Variants in GSE1 observed in about 807,000 individuals in gnomAD.
The protein encoded by GSE1 is Gse1 coiled-coil protein.
GSE1 carries 32 observed loss-of-function variants against 112.6 expected under a neutral mutation model. The ratio of observed to expected loss-of-function variants is 0.28; its 90% CI spans 0.21 to 0.38. The LOEUF is 0.38. Ranked by LOEUF, GSE1 falls within the 10% of genes least tolerant of loss-of-function variation. The probability of loss-of-function intolerance (pLI) is 1.00; values close to 1 mark genes in which losing one functional copy is unlikely to be tolerated. For missense variants in GSE1, 2,348 were observed against 1,699.2 expected, an observed-to-expected ratio of 1.38 and a Z score of -6.71; for synonymous variants, 1,115 against 735.6, an observed-to-expected ratio of 1.52 and a Z score of -8.35.
chr16:85,637,639 C>T (rs2050113457), intron 2 of GSE1, among the ~76,000 whole-genome samples: 1 of 152,256 alleles, frequency 6.6e-6, no homozygotes, highest in South Asian at 2.1e-4. Context: ...AGAACTGAGC[C>T]TCCGGCTTGC....
chr16:85,509,092 C>G (rs760466852), intron 2 of GSE1, among the ~76,000 whole-genome samples: 18 of 152,172 alleles, frequency 1.2e-4, no homozygotes, highest in Non-Finnish European at 1.9e-4. Flanking sequence ...AGAAGAAACG[C>G]TCACCTGGTG....
At chr16:85,290,551 A>G (rs1168340468) in intron 1 of GSE1, among the ~76,000 whole-genome samples, 1 of 152,144 alleles carries the variant, frequency 6.6e-6, no homozygotes, top group Admixed American at 6.5e-5. Context: ...TGCAGATTAC[A>G]CACTGCCCAA....
chr16:85,643,367 G>A (rs74034004), intron 2 of GSE1, among the ~76,000 whole-genome samples: 126 of 152,320 alleles, frequency 8.3e-4, no homozygotes, highest in African/African-American at 2.8e-3. Flanking sequence ...TGGGGGCATC[G>A]ATCGAGGCTG....
chr16:85,219,628 A>ATG (rs1299293225), intron 1 of GSE1, among the ~76,000 whole-genome samples: 1 of 152,066 alleles, frequency 6.6e-6, no homozygotes, highest in Non-Finnish European at 1.5e-5. Context: ...CCATCTCCGA[A>ATG]TGTCGCCTGT....
chr16:85,217,565 A>C (rs1414992741), intron 1 of GSE1, among the ~76,000 whole-genome samples: 1 of 152,198 alleles, frequency 6.6e-6, no homozygotes, highest in Non-Finnish European at 1.5e-5. Context: ...AGTGCGTGAG[A>C]AGTGATGCTG....
chr16:85,615,812 G>A (rs933101269), intron 1 of GSE1, among the ~76,000 whole-genome samples: 1 of 152,214 alleles, frequency 6.6e-6, no homozygotes, highest in Admixed American at 6.5e-5. Flanking sequence ...GCCCAGTTAA[G>A]CCACAGCCTC....
chr16:85,449,361 G>A (rs1040955983), intron 2 of GSE1, among the ~76,000 whole-genome samples: 1 of 152,200 alleles, frequency 6.6e-6, no homozygotes, highest in Non-Finnish European at 1.5e-5. Flanking sequence ...GGATGGCTGG[G>A]AAACCTCAGG....
chr16:85,190,581 A>G (rs1006005288), intron 1 of GSE1, among the ~76,000 whole-genome samples: 1 of 152,358 alleles, frequency 6.6e-6, no homozygotes. Context: ...AACACTCTTC[A>G]CTTTAACAGG....
chr16:85,300,527 G>A (rs1049076955), intron 1 of GSE1, among the ~76,000 whole-genome samples: 1 of 152,208 alleles, frequency 6.6e-6, no homozygotes, highest in Non-Finnish European at 1.5e-5. Context: ...CATTTCATGT[G>A]AATGGACTCA....
intron 2 of GSE1, among the ~76,000 whole-genome samples, chr16:85,429,196 G>A (rs545185595): frequency 1.3e-5 from 2 of 152,286 alleles, no homozygotes; most frequent in South Asian, 2.1e-4. Flanking sequence ...CGCCTTCTCA[G>A]GACACACAGC....
chr16:85,656,314 G>T, intron 6 of GSE1, 29 bp from the exon 7 acceptor site: 1 of 1,606,946 alleles, frequency 6.2e-7, no homozygotes, highest in South Asian at 1.1e-5. Context: ...TGGTGCAGCA[G>T]AGCCCCCAAC....
intron 1 of GSE1, among the ~76,000 whole-genome samples, chr16:85,288,047 C>T (rs1181068750): frequency 6.6e-6 from 1 of 152,172 alleles, no homozygotes. Flanking sequence ...CGAGACCAGC[C>T]TGGCCAACAT....
chr16:85,295,904 C>T (rs1428057140), intron 1 of GSE1, among the ~76,000 whole-genome samples: 1 of 151,994 alleles, frequency 6.6e-6, no homozygotes, highest in Non-Finnish European at 1.5e-5. Context: ...CGCACCCAGC[C>T]TAACTTGGGA....
chr16:85,224,199 C>T (rs2075441559), intron 1 of GSE1, among the ~76,000 whole-genome samples: 1 of 146,972 alleles, frequency 6.8e-6, no homozygotes, highest in Admixed American at 7.1e-5. Flanking sequence ...CACAGGACCT[C>T]TGTAGAAAAA....
At chr16:85,635,915 G>C (rs910000318) in intron 2 of GSE1, among the ~76,000 whole-genome samples, 2 of 151,206 alleles carry the variant, frequency 1.3e-5, no homozygotes, top group African/African-American at 4.9e-5. Flanking sequence ...GCCCAGCAGC[G>C]GCCGTGGGCG....
chr16:85,347,331 A>G (rs2046763784), intron 1 of GSE1, among the ~76,000 whole-genome samples: 2 of 152,162 alleles, frequency 1.3e-5, no homozygotes, highest in South Asian at 4.1e-4. Flanking sequence ...CCAAGGTCTC[A>G]GGGCCTCCAC....
rs532968878 is a variant in GSE1, at chr16:85,661,853, G to A, written c.2260+88G>A. 4.9e-5 allele frequency: 64 copies of A among 1,297,946 alleles called. 1 individual carries two copies. Among genetic ancestry groups the A allele is most frequent in the African/African-American group, 2.1e-4 (14 of 67,082 alleles). The allele number at this position is 1,297,946 out of a possible 1,614,324, so 80.4% of individuals were successfully genotyped here. ...GCATGCCAGCCACCTGCCCCTCTCC[G>A]TCCACTCCTGCTTTTTGCCTGGGGT... On this transcript the variant is annotated intron_variant, in intron 9 of 15. Coordinates refer to ENST00000253458, the MANE Select transcript of GSE1 (RefSeq NM_014615.5).
intron 1 of GSE1, among the ~76,000 whole-genome samples, chr16:85,352,954 T>G (rs2046880274): frequency 6.6e-6 from 1 of 152,262 alleles, no homozygotes; most frequent in Admixed American, 6.5e-5. Context: ...CAGGGAACAC[T>G]GATACCTAGG....
intron 1 of GSE1, among the ~76,000 whole-genome samples, chr16:85,280,387 G>A (rs956884090): frequency 1.3e-5 from 2 of 152,098 alleles, no homozygotes; most frequent in Non-Finnish European, 2.9e-5. Context: ...GGGTCATATG[G>A]TCTATTTATT....
Sources: gnomAD v4.1 joint callset for allele counts (sites outside exome capture counted in the v4.1 genomes callset) on GRCh38, gnomAD v4.1.1 for gene constraint, MANE v1.5 for transcripts, NCBI Gene and HGNC (gene_info 2026-07-23, HGNC 2026-07-21) for gene names.